The following GRIA3 variants were observed in gnomAD, a reference collection of about 807,000 sequenced individuals.
The protein encoded by GRIA3 is glutamate receptor 3.
GRIA3 carries 3 observed loss-of-function variants against 63.0 expected under a neutral mutation model. The observed-to-expected ratio is 0.05, with a 90% CI of 0.02 to 0.12. The LOEUF is 0.12. Among genes scored for constraint, GRIA3 ranks in the 10% least tolerant of loss-of-function variants. The probability of loss-of-function intolerance (pLI) is 1.00; values close to 1 mark genes in which losing one functional copy is unlikely to be tolerated. For missense variants in GRIA3, 347 were observed against 700.9 expected (o/e 0.50, Z 5.70); for synonymous variants, 274 against 257.9 (o/e 1.06, Z -0.60).
intron 11 of GRIA3, among the ~76,000 whole-genome samples, chrX:123,418,711 C>T (rs1359091280): frequency 8.9e-6 from 1 of 112,288 alleles, no homozygotes; most frequent in Non-Finnish European, 1.9e-5. Flanking sequence ...TGCTTCCATA[C>T]ATCCTCTAGA....
chrX:123,291,781 T>C (rs2044657600), intron 3 of GRIA3, among the ~76,000 whole-genome samples: 1 of 110,298 alleles, frequency 9.1e-6, no homozygotes, highest in South Asian at 3.9e-4. Flanking sequence ...AAACAAAGTA[T>C]CTAGCTGGGC....
chrX:123,248,329 G>A (rs2044370551), intron 2 of GRIA3, among the ~76,000 whole-genome samples: 1 of 112,389 alleles, frequency 8.9e-6, no homozygotes, highest in African/African-American at 3.2e-5. Context: ...CAAATAACTT[G>A]CGCAAAGTTA....
chrX:123,384,354 GTGGCTAACGCCTGT>G (rs1488995943), intron 5 of GRIA3, among the ~76,000 whole-genome samples: 1 of 112,570 alleles, frequency 8.9e-6, no homozygotes, highest in Non-Finnish European at 1.9e-5. Context: ...GCCAGGCGTG[GTGGCTAACGCCTGT>G]ATTCCCAGCA....
intron 3 of GRIA3, 118 bp from the exon 4 acceptor site, chrX:123,325,908 C>T: frequency 8.3e-6 from 5 of 601,373 alleles, no homozygotes; most frequent in Non-Finnish European, 1.4e-5. Context: ...AGTAAGCCTG[C>T]TTTCCATAAT....
intron 12 of GRIA3, among the ~76,000 whole-genome samples, chrX:123,451,277 G>A (rs762900214): frequency 9.2e-6 from 1 of 109,077 alleles, no homozygotes; most frequent in Non-Finnish European, 1.9e-5. Flanking sequence ...AAGGCATGAG[G>A]AACACTTGAG....
At position 123,426,049 on chromosome X, in the gene GRIA3, C is replaced by T. The variant is rs1398616206; in HGVS notation, c.1878-1892C>T. On this transcript the variant is annotated intron_variant, in intron 11 of 15. Transcript: ENST00000620443. Reference sequence around the variant, plus strand: ...TGATTTGCCGGCTCTCAGCCCAGAACTACCCTCTTCCCACAGAGCCTGGAG... The same window carrying T: ...TGATTTGCCGGCTCTCAGCCCAGAATTACCCTCTTCCCACAGAGCCTGGAG... Among the ~76,000 whole-genome samples the T allele has an allele frequency of 6.3e-5, 7 of 111,083 alleles. No individual in the cohort carries two copies. The Admixed American group carries it at 6.7e-4, about 11-fold the overall frequency.
At chrX:123,195,316 G>A (rs763223008) in intron 2 of GRIA3, among the ~76,000 whole-genome samples, 3 of 112,155 alleles carry the variant, frequency 2.7e-5, no homozygotes, top group Middle Eastern at 4.6e-3. Flanking sequence ...TGCCACAAGC[G>A]AGGAACTCTC....
chrX:123,359,544 G>C (rs956852367), intron 5 of GRIA3, among the ~76,000 whole-genome samples: 1 of 111,325 alleles, frequency 9.0e-6, no homozygotes, highest in Non-Finnish European at 1.9e-5. Flanking sequence ...GCAGACTAAA[G>C]CTTTAAAATC....
At chrX:123,248,495 TG>T (rs768662528) in intron 2 of GRIA3, among the ~76,000 whole-genome samples, 2 of 112,220 alleles carry the variant, frequency 1.8e-5, no homozygotes, top group South Asian at 7.5e-4. Flanking sequence ...GATAAAGAAA[TG>T]GGTGTGAGGC....
intron 12 of GRIA3, among the ~76,000 whole-genome samples, chrX:123,451,505 TAAAAAAAAAAAAAAA>T (rs56991039): frequency 1.9e-4 from 3 of 16,191 alleles, no homozygotes; most frequent in Admixed American, 1.6e-3. Flanking sequence ...ACTCTGTCTC[TAAAAAAAAAAAAAAA>T]AAAAAAAAAA....
intron 3 of GRIA3, among the ~76,000 whole-genome samples, chrX:123,294,641 G>A (rs1397929530): frequency 9.0e-6 from 1 of 110,999 alleles, no homozygotes; most frequent in African/African-American, 3.3e-5. Flanking sequence ...AAGAAGTTAT[G>A]GTGAAGCTAT....
intron 5 of GRIA3, among the ~76,000 whole-genome samples, chrX:123,378,985 A>G (rs916085990): frequency 9.0e-6 from 1 of 110,699 alleles, no homozygotes; most frequent in Admixed American, 9.6e-5. Context: ...TTAAAACTCT[A>G]CTGTCAGGAG....
At chrX:123,201,123 A>G (rs961992793) in intron 2 of GRIA3, among the ~76,000 whole-genome samples, 6 of 112,366 alleles carry the variant, frequency 5.3e-5, no homozygotes, top group Non-Finnish European at 1.1e-4. Context: ...TTATTATTAC[A>G]TTTGCCAAAG....
chrX:123,371,565 T>G (rs1000312085), intron 5 of GRIA3, among the ~76,000 whole-genome samples: 7 of 111,593 alleles, frequency 6.3e-5, no homozygotes, highest in Admixed American at 5.8e-4. Context: ...TGCCTTTGTA[T>G]AAAAGCCATT....
At chrX:123,273,028 T>C (rs957502581) in intron 3 of GRIA3, among the ~76,000 whole-genome samples, 1 of 111,616 alleles carries the variant, frequency 9.0e-6, no homozygotes, top group Non-Finnish European at 1.9e-5. Context: ...ACCTCCTCCC[T>C]ACAGTCCGGC....
At chrX:123,446,592 T>C (rs2045704212) in intron 12 of GRIA3, among the ~76,000 whole-genome samples, 1 of 112,565 alleles carries the variant, frequency 8.9e-6, no homozygotes, top group Non-Finnish European at 1.9e-5. Context: ...GTCATCCTAA[T>C]GGAAATTAAA....
intron 5 of GRIA3, among the ~76,000 whole-genome samples, chrX:123,383,432 C>T (rs1195642474): frequency 1.8e-5 from 2 of 111,486 alleles, no homozygotes; most frequent in Non-Finnish European, 3.8e-5. Flanking sequence ...CTTCATCCTG[C>T]CCCCTCTCTC....
chrX:123,229,317 G>C (rs989599063), intron 2 of GRIA3, among the ~76,000 whole-genome samples: 1 of 111,835 alleles, frequency 8.9e-6, no homozygotes, highest in African/African-American at 3.2e-5. Flanking sequence ...AAGACTTGGA[G>C]GTACTTTCTG....
chrX:123,324,973 T>C (rs1359038077), intron 3 of GRIA3, among the ~76,000 whole-genome samples: 3 of 112,312 alleles, frequency 2.7e-5, no homozygotes, highest in Admixed American at 9.5e-5. Flanking sequence ...TGCTATGGCA[T>C]GGATCATTTT....
Sources: allele counts gnomAD v4.1 joint callset (sites outside exome capture counted in the v4.1 genomes callset), GRCh38; gene constraint gnomAD v4.1.1; transcripts MANE v1.5; gene names NCBI Gene and HGNC (gene_info 2026-07-23, HGNC 2026-07-21).